PDCL3: variants seen among roughly 807,000 people sequenced by gnomAD.
The protein encoded by PDCL3 is phosducin-like protein 3.
PDCL3 carries 22 observed loss-of-function variants against 26.5 expected under a neutral mutation model. The observed-to-expected ratio is 0.83, with a 90% confidence interval of 0.59 to 1.19. The LOEUF (loss-of-function observed/expected upper bound fraction) is 1.19, where lower values mean the gene tolerates loss of function less well. Ranked by LOEUF, PDCL3 falls within the 50% of genes most tolerant of loss-of-function variation. The pLI is 0.00. For missense variants in PDCL3, 246 were observed against 294.1 expected, an observed-to-expected ratio of 0.84 and a Z score of 1.20; for synonymous variants, 81 against 104.9, an observed-to-expected ratio of 0.77 and a Z score of 1.39.
rs369261971 is a variant in PDCL3, at chr2:100,566,493, G to T, written c.7-10G>T. ...TAGCACTCATGGTAACCTTGGTCCC[G>T]CTCTTCTAGGACCCCAACGCAGACA... On this transcript the variant is annotated splice_polypyrimidine_tract_variant and intron_variant, in intron 1 of 5. Transcript: ENST00000264254. 26 of 1,611,298 alleles carry T rather than the reference G, an allele frequency of 1.6e-5. No individual in the cohort carries two copies. Among genetic ancestry groups the T allele is most frequent in the Non-Finnish European group, 2.0e-5 (24 of 1,179,456 alleles).
intron 1 of PDCL3, among the ~76,000 whole-genome samples, chr2:100,564,444 C>T (rs1271732241): frequency 3.9e-5 from 6 of 152,088 alleles, no homozygotes; most frequent in Non-Finnish European, 5.9e-5. Context: ...CTACAGGCGC[C>T]CGTCACCACT....
intron 1 of PDCL3, 82 bp downstream of exon 1, chr2:100,563,155 C>A: frequency 6.7e-7 from 1 of 1,498,534 alleles, no homozygotes; most frequent in East Asian, 2.5e-5. Flanking sequence ...TGGACGCCCG[C>A]CCTGGGGGAA....
intron 5 of PDCL3, among the ~76,000 whole-genome samples, chr2:100,575,541 C>CT (rs747957694): frequency 4.7e-4 from 71 of 152,206 alleles, no homozygotes; most frequent in Non-Finnish European, 4.8e-4. Flanking sequence ...TCCTTTGGTT[C>CT]TGCCTGGGCT....
chr2:100,571,189 C>T (rs1223586786), intron 4 of PDCL3, among the ~76,000 whole-genome samples: 2 of 150,254 alleles, frequency 1.3e-5, no homozygotes, highest in Non-Finnish European at 2.9e-5. Context: ...GCTGGGATTA[C>T]AGGCGCCTGC....
intron 5 of PDCL3, among the ~76,000 whole-genome samples, chr2:100,575,362 C>T (rs1240038499): frequency 6.6e-6 from 1 of 152,134 alleles, no homozygotes; most frequent in South Asian, 2.1e-4. Context: ...GTCTCGATCT[C>T]CAGACTTCGT....
chr2:100,568,970 A>G lies in PDCL3; in HGVS notation c.173A>G (p.Asp58Gly). 1.2e-6 allele frequency: 2 copies of G among 1,614,058 alleles called. No individual in the cohort carries two copies. The highest frequency in any genetic ancestry group is 1.1e-5 in the South Asian group (1 of 91,074). Residue 58 changes from aspartate (D) to glycine (G), a missense_variant, in exon 3 of 6, where the codon GAT becomes GGT. Physicochemically the swap from Asp to Gly is moderately conservative, Grantham distance 94. Coordinates refer to ENST00000264254, the MANE Select transcript of PDCL3 (RefSeq NM_024065.5). ...GATATGACTTTGGAAGAGCTGGAGGATCATGAAGACGAGTTTAATGAGGAG... is the reference window on the plus strand; with the variant it reads ...GATATGACTTTGGAAGAGCTGGAGGGTCATGAAGACGAGTTTAATGAGGAG... ...YEDMTLEELE[D>G]HEDEFNEEDE...
intron 5 of PDCL3, among the ~76,000 whole-genome samples, chr2:100,575,320 A>G (rs181560909): frequency 6.5e-4 from 99 of 152,230 alleles, no homozygotes; most frequent in Admixed American, 1.6e-3. Context: ...TATTTTTAGT[A>G]GAGACGGGGT....
chr2:100,568,217 T>C (rs974931774), intron 2 of PDCL3, among the ~76,000 whole-genome samples: 2 of 152,260 alleles, frequency 1.3e-5, no homozygotes, highest in Non-Finnish European at 2.9e-5. Context: ...GCTGGAGGCC[T>C]ATACTTTGGG....
chr2:100,571,114 C>CAAAAAAAAAAAAAA (rs59012685), intron 4 of PDCL3, among the ~76,000 whole-genome samples: 3 of 109,084 alleles, frequency 2.8e-5, no homozygotes, highest in African/African-American at 1.0e-4. Flanking sequence ...CCTGTCTTTA[C>CAAAAAAAAAAAAAA]AAAAAAAAAA....
Position 100,576,476 on chromosome 2 carries a change from A to C in PDCL3, c.700A>C (p.Ser234Arg), listed in dbSNP as rs766992022. Residue 234 changes from serine to arginine, a missense_variant, in exon 6 of 6, where the codon AGC (serine) becomes CGC (arginine). Ser to Arg is a moderately radical substitution (Grantham distance 110, BLOSUM62 -1). Transcript: ENST00000264254. ...VRRSVLMKRDSDSEGD is the reference protein window; with the variant it reads ...VRRSVLMKRDRDSEGD ...GCGCTCTGTCCTCATGAAGAGGGAC[A>C]GCGATTCCGAGGGTGACTGAGGCTA... 1 of 1,608,230 alleles carries C rather than the reference A, an allele frequency of 6.2e-7. No individual in the cohort carries two copies. The highest frequency in any genetic ancestry group is 1.7e-5 in the Admixed American group (1 of 59,246).
chr2:100,564,821 T>C (rs1454420186), intron 1 of PDCL3, among the ~76,000 whole-genome samples: 1 of 152,222 alleles, frequency 6.6e-6, no homozygotes, highest in Non-Finnish European at 1.5e-5. Context: ...CTTTGTGATT[T>C]TGATGCTGGC....
intron 1 of PDCL3, among the ~76,000 whole-genome samples, chr2:100,566,016 G>C (rs999872992): frequency 6.6e-6 from 1 of 152,118 alleles, no homozygotes; most frequent in African/African-American, 2.4e-5. Flanking sequence ...CCATTCTCCT[G>C]CCTCAGCCTC....
chr2:100,564,398 G>C (rs1003451348), intron 1 of PDCL3, among the ~76,000 whole-genome samples: 2 of 151,978 alleles, frequency 1.3e-5, no homozygotes, highest in Non-Finnish European at 2.9e-5. Context: ...TCCAGTTCAC[G>C]CCATTCTCCT....
At chr2:100,563,980 C>G (rs1261974058) in intron 1 of PDCL3, among the ~76,000 whole-genome samples, 1 of 150,318 alleles carries the variant, frequency 6.7e-6, no homozygotes, top group Non-Finnish European at 1.5e-5. Flanking sequence ...GGCTCTGTCA[C>G]AGCTCACTGC....
intron 3 of PDCL3, 91 bp downstream of exon 3, chr2:100,569,112 T>G: frequency 9.1e-7 from 1 of 1,097,612 alleles, no homozygotes; most frequent in Non-Finnish European, 1.4e-6. Context: ...ATGTGTGGGC[T>G]GAGCATGGTG....
intron 1 of PDCL3, among the ~76,000 whole-genome samples, chr2:100,566,193 G>A (rs528915715): frequency 1.4e-5 from 2 of 143,566 alleles, no homozygotes; most frequent in South Asian, 5.0e-4. Context: ...GTGAGCCACT[G>A]TGCCCGGCAC....
chr2:100,571,911 C>CGTGTGTATGAGTGA lies in PDCL3; in HGVS notation c.577+113_577+114insGTGTGTATGAGTGA, dbSNP rs1553417933. 3.3e-6 allele frequency: 3 copies of CGTGTGTATGAGTGA among 912,090 alleles called. No homozygotes were observed. In the African/African-American group the frequency reaches 5.0e-5, roughly 15 times the overall value. The allele number at this position is 912,090 out of a possible 1,614,324, so 56.5% of individuals were successfully genotyped here. ...CGATGGTGGGTCAAGTTCACTTCTG[C>CGTGTGTATGAGTGA]CTGTGTATGAGGACGGAAGCACGTT... On this transcript the variant is annotated intron_variant, in intron 5 of 5. Coordinates refer to ENST00000264254, the MANE Select transcript of PDCL3 (RefSeq NM_024065.5).
At chr2:100,570,739 G>A (rs1224198144) in intron 4 of PDCL3, among the ~76,000 whole-genome samples, 1 of 152,046 alleles carries the variant, frequency 6.6e-6, no homozygotes, top group African/African-American at 2.4e-5. Context: ...GCCTCCCAAA[G>A]TGCTGGGATT....
intron 1 of PDCL3, among the ~76,000 whole-genome samples, chr2:100,564,401 A>T (rs190243740): frequency 6.6e-6 from 1 of 151,728 alleles, no homozygotes; most frequent in Non-Finnish European, 1.5e-5. Flanking sequence ...AGTTCACGCC[A>T]TTCTCCTGCC....
Sources: gnomAD v4.1 joint callset for allele counts (sites outside exome capture counted in the v4.1 genomes callset) on GRCh38, gnomAD v4.1.1 for gene constraint, MANE v1.5 for transcripts, NCBI Gene and HGNC (gene_info 2026-07-23, HGNC 2026-07-21) for gene names.